The following PDE10A variants were observed in gnomAD, a reference collection of about 807,000 sequenced individuals.
The protein encoded by PDE10A is phosphodiesterase 10A.
A neutral mutation model predicts 97.7 loss-of-function variants in PDE10A; 39 were observed. The observed-to-expected ratio is 0.40, with a 90% CI of 0.31 to 0.52. The LOEUF (loss-of-function observed/expected upper bound fraction) is 0.52. Ranked by LOEUF, PDE10A falls within the 20% of genes least tolerant of loss-of-function variation. The pLI is 0.56. For missense variants in PDE10A, 731 were observed against 1,047.8 expected (o/e 0.70, Z 4.17); for synonymous variants, 371 against 376.8 (o/e 0.98, Z 0.18).
At chr6:165,519,820 A>AT (rs1782028184) in intron 2 of PDE10A, among the ~76,000 whole-genome samples, 1 of 151,884 alleles carries the variant, frequency 6.6e-6, no homozygotes, top group African/African-American at 2.4e-5. Flanking sequence ...ATGTGGCTCG[A>AT]TTTTTTCTGG....
At chr6:165,834,653 G>A (rs1780021111) in intron 1 of PDE10A, among the ~76,000 whole-genome samples, 1 of 152,178 alleles carries the variant, frequency 6.6e-6, no homozygotes, top group African/African-American at 2.4e-5. Context: ...TCAGCACAAT[G>A]GATCCCTCCC....
intron 1 of PDE10A, among the ~76,000 whole-genome samples, chr6:165,909,817 TC>T (rs35238176): frequency 7.9e-5 from 12 of 151,846 alleles, no homozygotes; most frequent in African/African-American, 2.9e-4. Flanking sequence ...TTGACAAACC[TC>T]CCCTCACTCG....
chr6:165,403,321 G>C (rs537064322), intron 13 of PDE10A, among the ~76,000 whole-genome samples: 1 of 152,198 alleles, frequency 6.6e-6, no homozygotes, highest in Non-Finnish European at 1.5e-5. Context: ...TGGCTTGCAA[G>C]AGCCAATTAT....
chr6:165,736,549 A>G (rs1437593224), intron 1 of PDE10A, among the ~76,000 whole-genome samples: 6 of 152,346 alleles, frequency 3.9e-5, no homozygotes, highest in South Asian at 4.1e-4. Flanking sequence ...CTCCAGCCCC[A>G]GGCTCTTTGA....
intron 1 of PDE10A, among the ~76,000 whole-genome samples, chr6:165,730,047 G>T (rs897072492): frequency 6.6e-6 from 1 of 151,506 alleles, no homozygotes; most frequent in Non-Finnish European, 1.5e-5. Context: ...AGATATATAC[G>T]TATATGAATA....
intron 5 of PDE10A, among the ~76,000 whole-genome samples, chr6:165,444,604 G>A (rs1790706143): frequency 3.3e-5 from 5 of 151,764 alleles, no homozygotes; most frequent in Admixed American, 1.3e-4. Flanking sequence ...TTCTTTACAA[G>A]TAATTTTGTT....
At chr6:165,493,884 C>T (rs976345463) in intron 2 of PDE10A, among the ~76,000 whole-genome samples, 1 of 151,706 alleles carries the variant, frequency 6.6e-6, no homozygotes, top group Non-Finnish European at 1.5e-5. Context: ...AATAAACAGA[C>T]AACACACAGA....
rs1562480503 is a variant in PDE10A, at chr6:165,452,377, A to G, written c.1024-2015T>C. Among the ~76,000 whole-genome samples the G allele has an allele frequency of 3.9e-5, 6 of 152,264 alleles. 1 individual carries two copies. The South Asian group carries it at 1.0e-3, about 26-fold the overall frequency. ...CTGCTATGGTTTGAACATTTCCTCC[A>G]AAGTTCATGTTTTGAAAACTTAACC... is the stretch of plus-strand genomic sequence containing the variant. On this transcript the variant is annotated intron_variant, in intron 3 of 21. Transcript: ENST00000539869.
At chr6:165,410,803 C>T (rs998381446) in intron 13 of PDE10A, among the ~76,000 whole-genome samples, 1 of 151,546 alleles carries the variant, frequency 6.6e-6, no homozygotes, top group African/African-American at 2.4e-5. Context: ...TAAGAAATAT[C>T]CTTGGCCGGG....
intron 3 of PDE10A, among the ~76,000 whole-genome samples, chr6:165,454,145 G>T (rs541471993): frequency 6.6e-6 from 1 of 152,166 alleles, no homozygotes; most frequent in Non-Finnish European, 1.5e-5. Context: ...TTTGGAATGG[G>T]AATATCAATC....
At chr6:165,603,264 T>A (rs1787054300) in intron 1 of PDE10A, among the ~76,000 whole-genome samples, 1 of 152,202 alleles carries the variant, frequency 6.6e-6, no homozygotes, top group Admixed American at 6.5e-5. Context: ...AAGAGACGTC[T>A]GCAGTTGTAT....
intron 2 of PDE10A, among the ~76,000 whole-genome samples, chr6:165,535,464 GAACA>G (rs1314979239): frequency 6.6e-6 from 1 of 151,788 alleles, no homozygotes; most frequent in African/African-American, 2.4e-5. Flanking sequence ...TTATAAGTGA[GAACA>G]TACAATATGT....
At chr6:165,912,153 ATCT>A (rs1782480218) in intron 1 of PDE10A, among the ~76,000 whole-genome samples, 1 of 151,532 alleles carries the variant, frequency 6.6e-6, no homozygotes, top group African/African-American at 2.4e-5. Flanking sequence ...CTATCTAACT[ATCT>A]AACTCTCTCT....
At chr6:165,558,020 C>T (rs962422507) in intron 1 of PDE10A, among the ~76,000 whole-genome samples, 11 of 152,222 alleles carry the variant, frequency 7.2e-5, no homozygotes, top group African/African-American at 2.2e-4. Context: ...ATATAACAAA[C>T]GATATGCCTA....
At chr6:165,351,820 CAAAATATCCAT>C (rs890512182) in intron 18 of PDE10A, among the ~76,000 whole-genome samples, 7 of 152,176 alleles carry the variant, frequency 4.6e-5, no homozygotes, top group Non-Finnish European at 1.0e-4. Flanking sequence ...AATTTTAACA[CAAAATATCCAT>C]AAAATAAATA....
At chr6:165,928,301 T>C (rs1383081986) in intron 1 of PDE10A, among the ~76,000 whole-genome samples, 1 of 152,152 alleles carries the variant, frequency 6.6e-6, no homozygotes, top group East Asian at 1.9e-4. Context: ...CATTCTTATT[T>C]GCACTGTGAG....
At chr6:165,549,479 C>T (rs1783904135) in intron 1 of PDE10A, among the ~76,000 whole-genome samples, 1 of 152,108 alleles carries the variant, frequency 6.6e-6, no homozygotes, top group East Asian at 1.9e-4. Flanking sequence ...TACCTGCCAC[C>T]ACGCCCGGCC....
intron 1 of PDE10A, among the ~76,000 whole-genome samples, chr6:165,826,751 C>A (rs576663990): frequency 1.4e-5 from 2 of 147,250 alleles, no homozygotes; most frequent in African/African-American, 5.0e-5. Context: ...GCAAACGGAG[C>A]TGACATCATG....
At chr6:165,980,114 C>T (rs1784968194) in intron 1 of PDE10A, among the ~76,000 whole-genome samples, 1 of 152,214 alleles carries the variant, frequency 6.6e-6, no homozygotes, top group African/African-American at 2.4e-5. Context: ...TAGGTGTAAT[C>T]ACCCTACAGC....
Sources: allele counts gnomAD v4.1 joint callset (sites outside exome capture counted in the v4.1 genomes callset), GRCh38; gene constraint gnomAD v4.1.1; transcripts MANE v1.5; gene names NCBI Gene and HGNC (gene_info 2026-07-23, HGNC 2026-07-21).